MAMLD1: variants seen among roughly 807,000 people sequenced by gnomAD.
The protein encoded by MAMLD1 is mastermind like domain containing 1.
MAMLD1 carries 14 observed loss-of-function variants against 45.0 expected under a neutral mutation model. The ratio of observed to expected loss-of-function variants is 0.31; its 90% CI spans 0.21 to 0.49. The LOEUF (loss-of-function observed/expected upper bound fraction) is 0.49. Ranked by LOEUF, MAMLD1 falls within the 20% of genes least tolerant of loss-of-function variation. The pLI is 0.99. For missense variants in MAMLD1, 543 were observed against 603.6 expected (o/e 0.90, Z 1.05); for synonymous variants, 254 against 247.8 (o/e 1.02, Z -0.24).
chrX:150,386,725 C>T (rs1241902502), intron 1 of MAMLD1, among the ~76,000 whole-genome samples: 4 of 110,995 alleles, frequency 3.6e-5, no homozygotes, highest in Non-Finnish European at 7.6e-5. Context: ...TGCCTTTGCC[C>T]GAAATTGCAA....
chrX:150,424,424 A>G (rs782055439), intron 1 of MAMLD1, among the ~76,000 whole-genome samples: 4 of 112,312 alleles, frequency 3.6e-5, no homozygotes, highest in Admixed American at 1.9e-4. Flanking sequence ...AGCAGCAGCA[A>G]TGTCAAAAGT....
chrX:150,372,125 G>C (rs1200534722), intron 1 of MAMLD1, among the ~76,000 whole-genome samples: 1 of 112,323 alleles, frequency 8.9e-6, no homozygotes, highest in Non-Finnish European at 1.9e-5. Flanking sequence ...GCTTGTAACT[G>C]TGGCGTAATA....
rs782654293 is a variant in MAMLD1, at chrX:150,366,557, C to A, written c.-64+3027C>A. Among the ~76,000 whole-genome samples the A allele has an allele frequency of 4.4e-5, 5 of 112,424 alleles. No individual in the cohort carries two copies. In the South Asian group the frequency reaches 1.5e-3, roughly 33 times the overall value. On this transcript the variant is annotated intron_variant, in intron 1 of 7. Transcript: ENST00000370401. ...AGAAGCTGAAATGGCCTTGAACCTG[C>A]CGGACAGACCAGCTGTTTGCTGCCA...
At chrX:150,481,417 T>C (rs781929924) in intron 5 of MAMLD1, among the ~76,000 whole-genome samples, 6 of 112,527 alleles carry the variant, frequency 5.3e-5, no homozygotes, top group Non-Finnish European at 9.4e-5. Context: ...TTGTGCATTG[T>C]TGGTGGGAAT....
chrX:150,440,726 C>T (rs1294305280), intron 1 of MAMLD1, among the ~76,000 whole-genome samples: 1 of 108,086 alleles, frequency 9.3e-6, no homozygotes, highest in East Asian at 2.8e-4. Flanking sequence ...TAATTTGCAT[C>T]TTCCCTTTTT....
At chrX:150,412,651 T>C (rs2034151545) in intron 1 of MAMLD1, among the ~76,000 whole-genome samples, 1 of 110,737 alleles carries the variant, frequency 9.0e-6, no homozygotes. Context: ...ACCCTTTATT[T>C]CCTCGCCCTC....
intron 5 of MAMLD1, among the ~76,000 whole-genome samples, chrX:150,483,784 G>A (rs782131298): frequency 8.9e-6 from 1 of 111,845 alleles, no homozygotes; most frequent in Non-Finnish European, 1.9e-5. Flanking sequence ...TGTTGTTGTC[G>A]TCATTTAATG....
At chrX:150,448,134 A>G (rs1291241110) in intron 2 of MAMLD1, among the ~76,000 whole-genome samples, 1 of 112,263 alleles carries the variant, frequency 8.9e-6, no homozygotes, top group Non-Finnish European at 1.9e-5. Context: ...ACTAGGGCTC[A>G]GAACACCTGG....
At chrX:150,507,547 C>G (rs2037766924) in intron 6 of MAMLD1, among the ~76,000 whole-genome samples, 1 of 112,030 alleles carries the variant, frequency 8.9e-6, no homozygotes, top group Admixed American at 9.4e-5. Context: ...CATGGAGGAC[C>G]GTCGCTTGCT....
chrX:150,488,706 CA>C (rs2037075697), intron 5 of MAMLD1, among the ~76,000 whole-genome samples: 1 of 113,043 alleles, frequency 8.8e-6, no homozygotes, highest in African/African-American at 3.2e-5. Flanking sequence ...ATTCACACAT[CA>C]AAAAAGTTGT....
intron 7 of MAMLD1, 107 bp from the exon 8 acceptor site, chrX:150,511,897 C>T (rs1221811310): frequency 1.2e-5 from 8 of 679,035 alleles, no homozygotes; most frequent in Admixed American, 9.1e-5. Flanking sequence ...GAGCCAAGGG[C>T]GGGAGGTGAG....
intron 1 of MAMLD1, among the ~76,000 whole-genome samples, chrX:150,364,646 T>C (rs2031252881): frequency 9.0e-6 from 1 of 111,683 alleles, no homozygotes; most frequent in South Asian, 3.7e-4. Flanking sequence ...GGGGGCGCGG[T>C]CCCCACGGTG....
chrX:150,429,663 G>C (rs1557403952), intron 1 of MAMLD1, among the ~76,000 whole-genome samples: 1 of 110,955 alleles, frequency 9.0e-6, no homozygotes, highest in East Asian at 2.8e-4. Context: ...ATAAATTTTT[G>C]ATATAAACTT....
chrX:150,399,865 G>A (rs1205186195), intron 1 of MAMLD1, among the ~76,000 whole-genome samples: 1 of 112,226 alleles, frequency 8.9e-6, no homozygotes, highest in Non-Finnish European at 1.9e-5. Context: ...GCATACAAAT[G>A]GTGCGAAAGA....
intron 1 of MAMLD1, among the ~76,000 whole-genome samples, chrX:150,405,678 T>TTA (rs2124528176): frequency 9.0e-6 from 1 of 111,547 alleles, no homozygotes; most frequent in African/African-American, 3.3e-5. Context: ...TTACTGTTTT[T>TTA]TACAGCCCTT....
intron 5 of MAMLD1, among the ~76,000 whole-genome samples, chrX:150,481,412 C>CT (rs1427980765): frequency 8.9e-6 from 1 of 112,447 alleles, no homozygotes; most frequent in African/African-American, 3.2e-5. Flanking sequence ...AACCCTTGTG[C>CT]ATTGTTGGTG....
intron 1 of MAMLD1, among the ~76,000 whole-genome samples, chrX:150,409,186 T>C (rs2034065778): frequency 1.8e-5 from 2 of 111,794 alleles, no homozygotes; most frequent in East Asian, 5.6e-4. Context: ...TTGGATTGTG[T>C]TGGGTTTTAT....
chrX:150,492,867 C>G (rs2037231170), intron 5 of MAMLD1, among the ~76,000 whole-genome samples: 1 of 111,827 alleles, frequency 8.9e-6, no homozygotes, highest in Admixed American at 9.5e-5. Context: ...ACTAGGTGAT[C>G]TCTCATTTCT....
At chrX:150,501,087 C>T (rs1176068038) in intron 5 of MAMLD1, among the ~76,000 whole-genome samples, 1 of 111,750 alleles carries the variant, frequency 8.9e-6, no homozygotes, top group African/African-American at 3.3e-5. Context: ...GCCTGATGGA[C>T]TACTGAGGCA....
Sources: allele counts gnomAD v4.1 joint callset (sites outside exome capture counted in the v4.1 genomes callset), GRCh38; gene constraint gnomAD v4.1.1; transcripts MANE v1.5; gene names NCBI Gene and HGNC (gene_info 2026-07-23, HGNC 2026-07-21).